FARS2: variants seen among roughly 807,000 people sequenced by gnomAD.
FARS2 encodes phenylalanyl-tRNA synthetase 2, mitochondrial, also known as phenylalanine--tRNA ligase, mitochondrial.
A neutral mutation model predicts 46.4 loss-of-function variants in FARS2; 40 were observed. That is an observed-to-expected ratio of 0.86 (90% confidence interval 0.67 to 1.12). The LOEUF is 1.12. Ranked by LOEUF, FARS2 falls within the 50% of genes most tolerant of loss-of-function variation. The pLI, the probability that FARS2 is intolerant of heterozygous loss-of-function variation, is 0.00. For missense variants in FARS2, 513 were observed against 567.9 expected (o/e 0.90, Z 0.98); for synonymous variants, 234 against 214.9 (o/e 1.09, Z -0.78).
chr6:5,251,407 A>G, the FARS2 span, among the ~76,000 whole-genome samples: 5 of 152,184 alleles, frequency 3.3e-5, no homozygotes, highest in Non-Finnish European at 7.3e-5. Flanking sequence ...ACAGTTCTGC[A>G]GGCTGTACAG....
intron 4 of FARS2, among the ~76,000 whole-genome samples, chr6:5,488,642 G>GGGAGA (rs1554100840): frequency 2.0e-5 from 3 of 149,390 alleles, no homozygotes; most frequent in Admixed American, 6.6e-5. Flanking sequence ...TGGAGCATAA[G>GGGAGA]AGTTTAGTTG....
chr6:5,711,785 G>A (rs767001505), intron 6 of FARS2, among the ~76,000 whole-genome samples: 1 of 152,218 alleles, frequency 6.6e-6, no homozygotes, highest in Non-Finnish European at 1.5e-5. Flanking sequence ...ACAACTAAAT[G>A]CAGTGTGGGA....
At chr6:5,530,113 A>G (rs1381103773) in intron 4 of FARS2, among the ~76,000 whole-genome samples, 1 of 152,194 alleles carries the variant, frequency 6.6e-6, no homozygotes, top group Admixed American at 6.5e-5. Context: ...CAAAAAATAA[A>G]TGATCTAGAG....
At chr6:5,266,961 C>CT (rs1765586695) in intron 1 of FARS2, among the ~76,000 whole-genome samples, 2 of 152,074 alleles carry the variant, frequency 1.3e-5, no homozygotes, top group Middle Eastern at 6.8e-3. Context: ...TCTGTAGAAG[C>CT]TTTTTTCAGA....
intron 1 of FARS2, among the ~76,000 whole-genome samples, chr6:5,333,767 G>A (rs1009959784): frequency 6.6e-6 from 1 of 152,174 alleles, no homozygotes; most frequent in African/African-American, 2.4e-5. Flanking sequence ...CTAGCCAGGT[G>A]TTAGACCTAT....
At chr6:5,363,051 C>G (rs113929709) in intron 1 of FARS2, among the ~76,000 whole-genome samples, 1 of 151,634 alleles carries the variant, frequency 6.6e-6, no homozygotes, top group Non-Finnish European at 1.5e-5. Flanking sequence ...CTCAGCCTCC[C>G]AAGTAGCTGG....
chr6:5,513,119 C>T (rs1418526559), intron 4 of FARS2, among the ~76,000 whole-genome samples: 1 of 151,956 alleles, frequency 6.6e-6, no homozygotes. Context: ...TATGAGGTGG[C>T]GGTGGTTGGG....
chr6:5,319,840 G>T (rs562233626), intron 1 of FARS2, among the ~76,000 whole-genome samples: 4 of 152,264 alleles, frequency 2.6e-5, no homozygotes, highest in African/African-American at 7.2e-5. Context: ...TTCCTAAGCA[G>T]GAAAGCATTC....
At chr6:5,761,659 C>T (rs1020584077) in intron 6 of FARS2, among the ~76,000 whole-genome samples, 15 of 152,024 alleles carry the variant, frequency 9.9e-5, no homozygotes, top group Non-Finnish European at 1.8e-4. Flanking sequence ...TCCACACAAA[C>T]GAAAAGCACA....
chr6:5,686,644 A>G (rs1483746296), intron 6 of FARS2, among the ~76,000 whole-genome samples: 1 of 152,210 alleles, frequency 6.6e-6, no homozygotes, highest in Non-Finnish European at 1.5e-5. Flanking sequence ...GCTATTGTGA[A>G]TAGTGCCACA....
At chr6:5,767,807 G>A (rs964766191) in intron 6 of FARS2, among the ~76,000 whole-genome samples, 2 of 152,246 alleles carry the variant, frequency 1.3e-5, no homozygotes, top group East Asian at 3.8e-4. Context: ...CTGAGAGACA[G>A]TGTAGGTCAT....
chr6:5,337,887 C>A (rs1344887142), intron 1 of FARS2, among the ~76,000 whole-genome samples: 1 of 152,148 alleles, frequency 6.6e-6, no homozygotes, highest in Non-Finnish European at 1.5e-5. Flanking sequence ...CCAGAGACCA[C>A]AAATTACTGT....
chr6:5,332,848 A>T (rs959055644), intron 1 of FARS2, among the ~76,000 whole-genome samples: 1 of 152,224 alleles, frequency 6.6e-6, no homozygotes, highest in Admixed American at 6.5e-5. Context: ...CAAGACAAGG[A>T]TGAACCGCAT....
chr6:5,546,454 G>A (rs971151583), intron 5 of FARS2, among the ~76,000 whole-genome samples: 2 of 151,608 alleles, frequency 1.3e-5, no homozygotes, highest in Non-Finnish European at 2.9e-5. Flanking sequence ...GTTTCACCAT[G>A]TTGGCCAGGC....
At chr6:5,429,326 TAGAC>T (rs1244642955) in intron 3 of FARS2, among the ~76,000 whole-genome samples, 1 of 152,198 alleles carries the variant, frequency 6.6e-6, no homozygotes, top group Non-Finnish European at 1.5e-5. Flanking sequence ...ACACTTGTCA[TAGAC>T]AGCAGCTAAG....
intron 6 of FARS2, among the ~76,000 whole-genome samples, chr6:5,770,066 G>C (rs1295294748): frequency 6.6e-6 from 1 of 152,102 alleles, no homozygotes; most frequent in African/African-American, 2.4e-5. Flanking sequence ...GAGAGGGAGA[G>C]GAAAGAGGAG....
At chr6:5,635,679 T>G (rs1776512176) in intron 6 of FARS2, among the ~76,000 whole-genome samples, 1 of 152,182 alleles carries the variant, frequency 6.6e-6, no homozygotes, top group Admixed American at 6.5e-5. Context: ...CCCCTCTGTG[T>G]GCAGGGTGGC....
At chr6:5,264,721 A>G (rs1053412042) in intron 1 of FARS2, among the ~76,000 whole-genome samples, 1 of 151,962 alleles carries the variant, frequency 6.6e-6, no homozygotes, top group East Asian at 1.9e-4. Context: ...AGTACCATAT[A>G]TTATATAAGA....
At chr6:5,477,210 G>A (rs543993505) in intron 4 of FARS2, among the ~76,000 whole-genome samples, 37 of 152,274 alleles carry the variant, frequency 2.4e-4, no homozygotes, top group African/African-American at 8.2e-4. Flanking sequence ...TAAAGACCTT[G>A]ACTGTCCTTG....
Sources: gnomAD v4.1 joint callset for allele counts (sites outside exome capture counted in the v4.1 genomes callset) on GRCh38, gnomAD v4.1.1 for gene constraint, MANE v1.5 for transcripts, NCBI Gene and HGNC (gene_info 2026-07-23, HGNC 2026-07-21) for gene names.